The following FBN1 variants were observed in gnomAD, a reference collection of about 807,000 sequenced individuals.
FBN1 encodes the protein fibrillin 1.
Under a neutral mutation model 365.1 loss-of-function variants are expected in FBN1, and 29 were observed. That is an observed-to-expected ratio of 0.08 (90% CI 0.06 to 0.11). The LOEUF (loss-of-function observed/expected upper bound fraction) is 0.11. FBN1 is among the 10% of genes least tolerant of loss of function. The pLI, the probability that FBN1 is intolerant of heterozygous loss-of-function variation, is 1.00. For missense variants in FBN1, 2,476 were observed against 3,703.2 expected (o/e 0.67, Z 8.60); for synonymous variants, 1,210 against 1,270.5 (o/e 0.95, Z 1.01).
In FBN1 at chr15:48,520,209, T is replaced by C. The variant is rs1323595766; in HGVS notation, c.1147+450A>G. 2.7e-5 allele frequency among the ~76,000 whole-genome samples: 4 copies of C among 149,790 alleles called. No homozygotes were observed. The South Asian group carries it at 6.4e-4, about 24-fold the overall frequency. Reference sequence around the variant, plus strand: ...TACGCTTCTAATAGAAACAAAAAAATGGACAGATAAAAGAGATACTGTGAA... The same window carrying C: ...TACGCTTCTAATAGAAACAAAAAAACGGACAGATAAAAGAGATACTGTGAA... On this transcript the variant is annotated intron_variant, in intron 10 of 65. Coordinates refer to ENST00000316623, the MANE Select transcript of FBN1 (RefSeq NM_000138.5).
At chr15:48,436,038 C>T (rs540716429) in intron 53 of FBN1, among the ~76,000 whole-genome samples, 25 of 151,970 alleles carry the variant, frequency 1.6e-4, no homozygotes, top group African/African-American at 5.1e-4. Flanking sequence ...AGCTCCTAGG[C>T]GAAGAGGCTC....
At chr15:48,416,873 A>G (rs998201847) in intron 63 of FBN1, among the ~76,000 whole-genome samples, 2 of 152,264 alleles carry the variant, frequency 1.3e-5, no homozygotes, top group Non-Finnish European at 2.9e-5. Flanking sequence ...CCTATGGAAG[A>G]GAGGAAGGGG....
intron 40 of FBN1, among the ~76,000 whole-genome samples, chr15:48,465,081 C>A (rs2141269017): frequency 1.3e-5 from 2 of 152,282 alleles, no homozygotes; most frequent in African/African-American, 4.8e-5. Context: ...TATTCTCCAC[C>A]TTTCCAGTAA....
intron 31 of FBN1, 103 bp from the exon 32 acceptor site, chr15:48,481,883 A>AC: frequency 8.4e-7 from 1 of 1,188,302 alleles, no homozygotes; most frequent in Non-Finnish European, 1.2e-6. Flanking sequence ...AAAAGGTAAA[A>AC]TGCTTTCCCT....
intron 6 of FBN1, among the ~76,000 whole-genome samples, chr15:48,581,536 C>T (rs1455707824): frequency 6.6e-6 from 1 of 152,094 alleles, no homozygotes; most frequent in Non-Finnish European, 1.5e-5. Context: ...TCAGCTAAGC[C>T]AAGTGTTTTC....
At chr15:48,628,242 T>G (rs924293231) in intron 2 of FBN1, among the ~76,000 whole-genome samples, 5 of 151,708 alleles carry the variant, frequency 3.3e-5, no homozygotes, top group African/African-American at 1.2e-4. Flanking sequence ...GGTGTACCAG[T>G]AATTTTCAGA....
rs368644662 is a variant in FBN1 at position 48,465,703 on chromosome 15, T to C, written c.4817-10A>G. On this transcript the variant is annotated splice_polypyrimidine_tract_variant and intron_variant, in intron 39 of 65. Coordinates refer to ENST00000316623, the MANE Select transcript of FBN1 (RefSeq NM_000138.5). ...TGGCACTCATCAATATCTATCAAAATCAAAACAAAGGCATTCCTTTAGCAT... is the reference window on the plus strand; with the variant it reads ...TGGCACTCATCAATATCTATCAAAACCAAAACAAAGGCATTCCTTTAGCAT... The C allele has an allele frequency of 6.2e-7, 1 of 1,613,770 alleles. No homozygotes were observed. The highest frequency in any genetic ancestry group is 1.3e-5 in the African/African-American group (1 of 74,898).
chr15:48,640,698 G>T (rs756641246), intron 2 of FBN1, among the ~76,000 whole-genome samples: 3 of 152,094 alleles, frequency 2.0e-5, no homozygotes, highest in Non-Finnish European at 4.4e-5. Context: ...AATACAACTG[G>T]TCTCATGTAC....
intron 2 of FBN1, among the ~76,000 whole-genome samples, chr15:48,631,698 C>T (rs1163885584): frequency 6.6e-6 from 1 of 152,192 alleles, no homozygotes; most frequent in Non-Finnish European, 1.5e-5. Context: ...GGGCTTATCT[C>T]TTTACCTCTG....
intron 46 of FBN1, among the ~76,000 whole-genome samples, chr15:48,447,591 A>C (rs866176167): frequency 6.6e-6 from 1 of 152,312 alleles, no homozygotes; most frequent in Middle Eastern, 3.4e-3. Flanking sequence ...GGAAGTAATA[A>C]AAAATTTAAT....
At chr15:48,543,551 C>A (rs1485526613) in intron 6 of FBN1, among the ~76,000 whole-genome samples, 6 of 152,134 alleles carry the variant, frequency 3.9e-5, no homozygotes, top group Non-Finnish European at 8.8e-5. Flanking sequence ...AAACTTCTAG[C>A]TGAAAGGGAA....
At chr15:48,595,031 T>C (rs549287244) in intron 6 of FBN1, among the ~76,000 whole-genome samples, 1 of 152,300 alleles carries the variant, frequency 6.6e-6, no homozygotes, top group African/African-American at 2.4e-5. Flanking sequence ...TCCTAAAGGA[T>C]ATCAACATGC....
intron 35 of FBN1, among the ~76,000 whole-genome samples, chr15:48,471,708 T>C (rs962148447): frequency 6.6e-6 from 1 of 152,264 alleles, no homozygotes; most frequent in African/African-American, 2.4e-5. Flanking sequence ...CACGTCTTGT[T>C]AACAAGGAAC....
At chr15:48,596,406 C>T (rs1441097894) in intron 5 of FBN1, 28 bp from the exon 6 acceptor site, 1 of 1,594,846 alleles carries the variant, frequency 6.3e-7, no homozygotes, top group Non-Finnish European at 8.6e-7. Context: ...AGCTGAGACG[C>T]TTTACCTGAA....
At chr15:48,525,074 A>T (rs2043897301) in intron 9 of FBN1, among the ~76,000 whole-genome samples, 1 of 149,186 alleles carries the variant, frequency 6.7e-6, no homozygotes, top group Admixed American at 6.7e-5. Flanking sequence ...TATTAAATCC[A>T]GCAGCTGTCA....
chr15:48,434,617 G>T lies in FBN1; in HGVS notation c.6593C>A (p.Pro2198His), dbSNP rs1288652175. 1 of 1,613,682 alleles carries T rather than the reference G, an allele frequency of 6.2e-7. No homozygotes were observed. Among genetic ancestry groups the T allele is most frequent in the Non-Finnish European group, 8.5e-7 (1 of 1,179,750 alleles). ...FECTCEEGFE[P>H]GPMMTCEDIN... ...ACCTTCACATGTCATCATTGGACCG[G>T]GCTCAAATCCCTCCTCGCAGGTGCA... Residue 2198 changes from proline to histidine, a missense_variant, in exon 54 of 66, where the codon CCC becomes CAC. Around this residue, in one of 5 missense-constraint regions of FBN1, gnomAD observed 1,780 missense variants for 2,840.8 expected, o/e 0.63. Coordinates refer to ENST00000316623, the MANE Select transcript of FBN1 (RefSeq NM_000138.5).
At chr15:48,478,310 TCTCA>T (rs1264218728) in intron 32 of FBN1, among the ~76,000 whole-genome samples, 1 of 152,070 alleles carries the variant, frequency 6.6e-6, no homozygotes, top group Admixed American at 6.5e-5. Context: ...GAACACAAAT[TCTCA>T]CTGACTGTTG....
chr15:48,624,835 C>T (rs542348742), intron 2 of FBN1, among the ~76,000 whole-genome samples: 3 of 152,368 alleles, frequency 2.0e-5, no homozygotes, highest in African/African-American at 7.2e-5. Context: ...TGAGCCTGCA[C>T]AGAGAGAGGC....
At chr15:48,575,802 TACACACACACACACACACAC>T (rs58125518) in intron 6 of FBN1, among the ~76,000 whole-genome samples, 1 of 140,124 alleles carries the variant, frequency 7.1e-6, no homozygotes, top group Admixed American at 7.2e-5. Context: ...AAATGTGAGA[TACACACACACACACACACAC>T]ACACACACAC....
Sources: allele counts gnomAD v4.1 joint callset (sites outside exome capture counted in the v4.1 genomes callset), GRCh38; gene constraint gnomAD v4.1.1; regional missense constraint gnomAD v4.1.1; transcripts MANE v1.5; gene names NCBI Gene and HGNC (gene_info 2026-07-23, HGNC 2026-07-21).